The following CRADD variants were observed in gnomAD, a reference collection of about 807,000 sequenced individuals.
CRADD encodes the protein death domain-containing protein CRADD.
In CRADD, 9 loss-of-function variants were observed where a neutral mutation model predicts 15.5. The observed-to-expected ratio is 0.58, with a 90% CI of 0.35 to 1.01. The LOEUF is 1.01. Ranked by LOEUF, CRADD falls within the 50% of genes least tolerant of loss-of-function variation. The pLI is 0.02. For synonymous variants in CRADD, 118 were observed against 107.6 expected (o/e 1.10, Z -0.60); for missense variants, 227 against 250.3 (o/e 0.91, Z 0.63).
intron 2 of CRADD, among the ~76,000 whole-genome samples, chr12:93,759,882 T>C (rs549046680): frequency 4.5e-4 from 68 of 152,338 alleles, no homozygotes; most frequent in African/African-American, 1.6e-3. Context: ...ATAGAAATTG[T>C]TGGGAGTCTA....
intron 2 of CRADD, among the ~76,000 whole-genome samples, chr12:93,711,055 C>CCCCCCCCTTTTTTTTTTTTTTT: frequency 2.3e-5 from 1 of 43,506 alleles, no homozygotes; most frequent in African/African-American, 8.5e-5. Flanking sequence ...CCACCCCCGC[C>CCCCCCCCTTTTTTTTTTTTTTT]TTTTTTTTTT....
At chr12:93,891,942 T>G (rs1412954589) in intron 2 of CRADD, among the ~76,000 whole-genome samples, 1 of 152,262 alleles carries the variant, frequency 6.6e-6, no homozygotes, top group Non-Finnish European at 1.5e-5. Context: ...GGTTATACTT[T>G]CTGTTATCCA....
chr12:93,683,854 G>A (rs771120237), intron 2 of CRADD, among the ~76,000 whole-genome samples: 1 of 152,228 alleles, frequency 6.6e-6, no homozygotes, highest in Non-Finnish European at 1.5e-5. Flanking sequence ...ATCATACCAC[G>A]TAATTGACCT....
At chr12:93,746,408 C>G (rs988734079) in intron 2 of CRADD, among the ~76,000 whole-genome samples, 2 of 152,190 alleles carry the variant, frequency 1.3e-5, no homozygotes, top group Non-Finnish European at 2.9e-5. Flanking sequence ...CCAATATGCT[C>G]CTCAGCACAC....
At chr12:93,749,042 T>A (rs1956801432) in intron 2 of CRADD, among the ~76,000 whole-genome samples, 1 of 152,168 alleles carries the variant, frequency 6.6e-6, no homozygotes, top group Non-Finnish European at 1.5e-5. Flanking sequence ...GTGCGTAACA[T>A]CTGCCAGGCA....
At chr12:93,866,911 A>T (rs75663171) in intron 2 of CRADD, among the ~76,000 whole-genome samples, 5 of 152,190 alleles carry the variant, frequency 3.3e-5, no homozygotes, top group African/African-American at 1.2e-4. Context: ...GCTGCCTTCA[A>T]CTGTGCCATG....
At chr12:93,730,923 C>T (rs1400234863) in intron 2 of CRADD, among the ~76,000 whole-genome samples, 2 of 151,986 alleles carry the variant, frequency 1.3e-5, no homozygotes, top group African/African-American at 4.8e-5. Flanking sequence ...ACCATGTTGG[C>T]CAGGCTGGTC....
intron 2 of CRADD, among the ~76,000 whole-genome samples, chr12:93,847,868 G>A (rs1363710153): frequency 6.6e-6 from 1 of 152,174 alleles, no homozygotes; most frequent in Non-Finnish European, 1.5e-5. Flanking sequence ...ATTAAATTGT[G>A]TGTGTGTATG....
intron 2 of CRADD, among the ~76,000 whole-genome samples, chr12:93,684,108 C>T (rs1955381615): frequency 6.6e-6 from 1 of 152,170 alleles, no homozygotes; most frequent in African/African-American, 2.4e-5. Context: ...ATGCCAGGTA[C>T]TGGGTATATA....
intron 1 of CRADD, chr12:93,677,934 T>G (rs1221441189): frequency 1.3e-5 from 2 of 152,662 alleles, no homozygotes; most frequent in Non-Finnish European, 2.9e-5. Context: ...TCACTTAACC[T>G]TCACTGCCTT....
At chr12:93,878,025 C>A (rs1958469665) in intron 2 of CRADD, among the ~76,000 whole-genome samples, 1 of 152,276 alleles carries the variant, frequency 6.6e-6, no homozygotes, top group South Asian at 2.1e-4. Context: ...CCGAGTGTTG[C>A]TACTGGTTAT....
chr12:93,786,975 A>G (rs10859582), intron 2 of CRADD, among the ~76,000 whole-genome samples: 86,090 of 152,034 alleles, frequency 0.57, 25,297 homozygotes, highest in East Asian at 0.89. Context: ...TGTTTCGGCT[A>G]TTTAAGGATT....
intron 2 of CRADD, among the ~76,000 whole-genome samples, chr12:93,726,390 C>T (rs1956368375): frequency 6.6e-6 from 1 of 152,078 alleles, no homozygotes; most frequent in South Asian, 2.1e-4. Context: ...AGGCATAAGC[C>T]CCAGCACCTG....
At chr12:93,870,748 G>A (rs528781606) in intron 2 of CRADD, among the ~76,000 whole-genome samples, 6 of 152,190 alleles carry the variant, frequency 3.9e-5, no homozygotes, top group Non-Finnish European at 8.8e-5. Context: ...ATGTCACCCC[G>A]GGAAAAGCAG....
chr12:93,784,085 G>A (rs1464250184), intron 2 of CRADD, among the ~76,000 whole-genome samples: 1 of 152,076 alleles, frequency 6.6e-6, no homozygotes, highest in Non-Finnish European at 1.5e-5. Context: ...CTGCAGTGCG[G>A]TACTTCATGG....
chr12:93,861,526 G>C (rs946657018), intron 2 of CRADD, among the ~76,000 whole-genome samples: 8 of 152,192 alleles, frequency 5.3e-5, no homozygotes, highest in African/African-American at 1.9e-4. Flanking sequence ...GTCTTGCCCA[G>C]TGACACTTCC....
At chr12:93,762,331 T>A (rs1038727675) in intron 2 of CRADD, among the ~76,000 whole-genome samples, 2 of 152,238 alleles carry the variant, frequency 1.3e-5, no homozygotes, top group Non-Finnish European at 2.9e-5. Flanking sequence ...GGCTGCTTCC[T>A]TGTCTTTAAG....
At chr12:93,877,469 G>A (rs1958465338) in intron 2 of CRADD, among the ~76,000 whole-genome samples, 1 of 152,246 alleles carries the variant, frequency 6.6e-6, no homozygotes, top group Non-Finnish European at 1.5e-5. Flanking sequence ...ACAGGAGTCA[G>A]GGAATACAGT....
intron 2 of CRADD, among the ~76,000 whole-genome samples, chr12:93,726,213 C>A (rs1250253021): frequency 6.8e-6 from 1 of 147,738 alleles, no homozygotes; most frequent in Non-Finnish European, 1.5e-5. Flanking sequence ...AAGCGATTCT[C>A]CTGTCTCAGC....
Sources: allele counts gnomAD v4.1 joint callset (sites outside exome capture counted in the v4.1 genomes callset), GRCh38; gene constraint gnomAD v4.1.1; transcripts MANE v1.5; gene names NCBI Gene and HGNC (gene_info 2026-07-23, HGNC 2026-07-21).